Variants in SOHLH1 observed in about 807,000 individuals in gnomAD.
SOHLH1 encodes spermatogenesis- and oogenesis-specific basic helix-loop-helix-containing protein 1.
SOHLH1 carries 23 observed loss-of-function variants against 36.2 expected under a neutral mutation model. The observed-to-expected ratio is 0.64, with a 90% CI of 0.46 to 0.90. SOHLH1 has a LOEUF of 0.90. SOHLH1 is among the 40% of genes least tolerant of loss of function. The pLI is 0.00. For synonymous variants in SOHLH1, 289 were observed against 228.3 expected, an observed-to-expected ratio of 1.27 and a Z score of -2.40; for missense variants, 608 against 517.0, an observed-to-expected ratio of 1.18 and a Z score of -1.71.
At position 135,697,533 on chromosome 9, in the gene SOHLH1, G is replaced by C; in HGVS notation, c.440C>G (p.Pro147Arg). The C allele has an allele frequency of 6.2e-7, 1 of 1,612,332 alleles. No homozygotes were observed. ...SSQIQAGVPD[P>R]GTGASSGTRT... ...AGTCCCGCTGGACGCTCCCGTCCCAGGGTCTGGCACACCTGCTTGAATCTG... is the reference window on the plus strand; with the variant it reads ...AGTCCCGCTGGACGCTCCCGTCCCACGGTCTGGCACACCTGCTTGAATCTG... The change falls in exon 4 of 8, where the codon CCT becomes CGT. Residue 147 changes from proline (P) to arginine (R), a missense_variant. By Grantham distance (103) the Pro-to-Arg change is moderately radical. Transcript: ENST00000425225.
At position 135,699,059 on chromosome 9, in the gene SOHLH1, G is replaced by T; in HGVS notation, c.133C>A (p.Pro45Thr). The T allele has an allele frequency of 6.2e-7, 1 of 1,611,152 alleles. No homozygotes were observed. The highest frequency in any genetic ancestry group is 8.5e-7 in the Non-Finnish European group (1 of 1,179,660). The part of the protein sequence containing the change: ...SARGSGPPKA[P>T]TVAEGPSSCL... ...GAGCTGGGACCCTCGGCCACCGTAG[G>T]GGCCTTGGGCGGGCCCGAGCCCCGG... The change falls in exon 2 of 8, where the codon CCT becomes ACT. Residue 45 changes from proline (P) to threonine (T), a missense_variant. Coordinates refer to ENST00000425225, the MANE Select transcript of SOHLH1 (RefSeq NM_001101677.2).
chr9:135,696,846 C>A, intron 4 of SOHLH1, 41 bp from the exon 5 acceptor site: 1 of 1,606,872 alleles, frequency 6.2e-7, no homozygotes, highest in Non-Finnish European at 8.5e-7. Flanking sequence ...GTCTATTCCC[C>A]AGCCCCCTGG....
At chr9:135,698,559 A>C in intron 2 of SOHLH1, 83 bp from the exon 3 acceptor site, 1 of 1,596,752 alleles carries the variant, frequency 6.3e-7, no homozygotes, top group Non-Finnish European at 8.6e-7. Context: ...CCTGCCAGAT[A>C]GACCCTGGGC....
chr9:135,702,038 A>AC (rs1389496362), upstream of SOHLH1: 1 of 426,630 alleles, frequency 2.3e-6, no homozygotes, highest in Non-Finnish European at 4.0e-6. Context: ...CGCCCTCCCT[A>AC]CCCCGCACCC....
chr9:135,701,780 CG>C (rs1263994218), upstream of SOHLH1, among the ~76,000 whole-genome samples: 1 of 151,618 alleles, frequency 6.6e-6, no homozygotes, highest in African/African-American at 2.4e-5. Flanking sequence ...GTGTTGACCA[CG>C]GCAGAGCAGC....
chr9:135,697,593 A>G lies in SOHLH1; in HGVS notation c.380T>C (p.Leu127Ser). The G allele has an allele frequency of 6.2e-7, 1 of 1,612,454 alleles. No homozygotes were observed. The highest frequency in any genetic ancestry group is 8.5e-7 in the Non-Finnish European group (1 of 1,179,612). ...LASSKEMWHS[L>S]QEDVLQLTLS... ...CGTCAACTGTAAAACATCCTCCTGC[A>G]ACGAGTGCCACATTTCCTTGGAGGA... The change falls in exon 4 of 8, where the codon TTG becomes TCG. Residue 127 changes from leucine to serine, a missense_variant. By Grantham distance (145) the Leu-to-Ser change is moderately radical (BLOSUM62 -2). Coordinates refer to ENST00000425225, the MANE Select transcript of SOHLH1 (RefSeq NM_001101677.2).
At chr9:135,694,196 A>T (rs1180538330) in intron 7 of SOHLH1, 191 bp downstream of exon 7, 78 of 1,443,334 alleles carry the variant, frequency 5.4e-5, no homozygotes, top group Non-Finnish European at 6.9e-5. Flanking sequence ...GTTCACTCAC[A>T]CACTCACATA....
chr9:135,693,878 T>C, intron 7 of SOHLH1, 64 bp from the exon 8 acceptor site: 1 of 1,509,394 alleles, frequency 6.6e-7, no homozygotes, highest in South Asian at 1.3e-5. Flanking sequence ...GGCAGACAGG[T>C]GGGGTCGGAG....
chr9:135,698,881 G>A, intron 2 of SOHLH1, 114 bp downstream of exon 2: 3 of 1,473,358 alleles, frequency 2.0e-6, no homozygotes, highest in Non-Finnish European at 2.8e-6. Flanking sequence ...CTTCTCCTGG[G>A]CACAGGCCAC....
chr9:135,698,459 C>T lies in SOHLH1; in HGVS notation c.215G>A (p.Ser72Asn). ...ERERRKRMSL[S>N]CERLRALLPQ... ...CAGCAGGGCCCGCAGACGCTCACAG[C>T]TCAACGACATCCGCTTCCTGGTTCC... Residue 72 changes from serine (S) to asparagine (N), a missense_variant, in exon 3 of 8, where the codon AGC becomes AAC. By Grantham distance (46) the Ser-to-Asn change is conservative. Coordinates refer to ENST00000425225, the MANE Select transcript of SOHLH1 (RefSeq NM_001101677.2). 6.2e-7 allele frequency: 1 copy of T among 1,613,240 alleles called. No individual in the cohort carries two copies. Among genetic ancestry groups the T allele is most frequent in the Non-Finnish European group, 8.5e-7 (1 of 1,180,034 alleles).
chr9:135,693,722 G>C lies in SOHLH1; in HGVS notation c.1039C>G (p.Pro347Ala), dbSNP rs868529486. Reference sequence around the variant, plus strand: ...TGGAGCTCCTGGGAGCCAAGCTCAGGGTCCCCTAGGAAGCCTGGCTCTCCA... The same window carrying C: ...TGGAGCTCCTGGGAGCCAAGCTCAGCGTCCCCTAGGAAGCCTGGCTCTCCA... ...DVGEPGFLGDPELGSQELQDS... is the reference protein window; with the variant it reads ...DVGEPGFLGDAELGSQELQDS... Residue 347 changes from proline (P) to alanine (A), a missense_variant, in exon 8 of 8, where the codon CCT becomes GCT. Transcript: ENST00000425225. 2 of 1,573,456 alleles carry C rather than the reference G, an allele frequency of 1.3e-6. No homozygotes were observed. Among genetic ancestry groups the C allele is most frequent in the East Asian group, 2.4e-5 (1 of 42,294 alleles).
rs1834904064 is a variant in SOHLH1, at chr9:135,698,586, G to C, written c.198-110C>G. Reference sequence around the variant, plus strand: ...ACCCTGGGCGCTTGTCAGGCAGAGGGGGCTACAAGATGACTCAGAGCTGCC... The same window carrying C: ...ACCCTGGGCGCTTGTCAGGCAGAGGCGGCTACAAGATGACTCAGAGCTGCC... On this transcript the variant is annotated intron_variant, in intron 2 of 7. Coordinates refer to ENST00000425225, the MANE Select transcript of SOHLH1 (RefSeq NM_001101677.2). 4 of 1,493,446 alleles carry C rather than the reference G, an allele frequency of 2.7e-6. No individual in the cohort carries two copies. In the South Asian group the frequency reaches 4.6e-5, roughly 17 times the overall value. 92.5% of individuals were successfully genotyped at this position (1,493,446 alleles called of 1,614,324 possible). A position where few individuals can be genotyped will look rare whatever the true frequency, so the allele number is the denominator to read the frequency against.
Position 135,696,730 on chromosome 9 carries a change from C to T in SOHLH1, c.543G>A (p.Pro181=), listed in dbSNP as rs145918276. The T allele has an allele frequency of 6.6e-4, 1,069 of 1,613,004 alleles. 6 individuals carry two copies. The African/African-American group carries it at 0.013, about 20-fold the overall frequency. The part of the protein sequence containing the change: ...DPASASPEPV[P]HILASSRQWD... ...ACTGCCTGGAGGACGCAAGGATGTG[C>T]GGCACGGGCTCTGGGCTGGCCGACG... Residue 181 remains proline, a synonymous_variant, in exon 5 of 8, where the codon CCG becomes CCA. Transcript: ENST00000425225.
intron 5 of SOHLH1, among the ~76,000 whole-genome samples, chr9:135,695,666 C>G (rs547533726): frequency 6.6e-6 from 1 of 152,280 alleles, no homozygotes; most frequent in East Asian, 1.9e-4. Context: ...CTGACACCAG[C>G]CCTGCCAACT....
At chr9:135,697,651 A>G in intron 3 of SOHLH1, 24 bp from the exon 4 acceptor site, 3 of 1,605,544 alleles carry the variant, frequency 1.9e-6, no homozygotes, top group Non-Finnish European at 2.6e-6. Context: ...AAACATGTAA[A>G]ACAAAGACAG....
upstream of SOHLH1, among the ~76,000 whole-genome samples, chr9:135,700,714 T>C (rs1223221498): frequency 6.6e-6 from 1 of 151,964 alleles, no homozygotes; most frequent in East Asian, 1.9e-4. Flanking sequence ...TTATGTAATA[T>C]AAGGTGGTGT....
upstream of SOHLH1, chr9:135,699,495 G>A (rs369133496): frequency 3.6e-5 from 58 of 1,606,364 alleles, no homozygotes; most frequent in Admixed American, 2.4e-4. Flanking sequence ...GCGACCCCAC[G>A]CGCACGGCCC....
At position 135,693,674 on chromosome 9, in the gene SOHLH1, C is replaced by T; in HGVS notation, c.1087G>A (p.Gly363Ser). Reference sequence around the variant, plus strand: ...AGGCCTGCACAGTCCACATCCAGGCCCCACGGCTCCAGAGGGCTGTCCTGG... The same window carrying T: ...AGGCCTGCACAGTCCACATCCAGGCTCCACGGCTCCAGAGGGCTGTCCTGG... ...ELQDSPLEPWGLDVDCAGLAL... is the reference protein window; with the variant it reads ...ELQDSPLEPWSLDVDCAGLAL... The change falls in exon 8 of 8, where the codon GGC (glycine) becomes AGC (serine). Residue 363 changes from glycine to serine, a missense_variant. Gly to Ser is a moderately conservative substitution (Grantham distance 56). Transcript: ENST00000425225. 1 of 1,584,366 alleles carries T rather than the reference C, an allele frequency of 6.3e-7. No homozygotes were observed. The highest frequency in any genetic ancestry group is 8.6e-7 in the Non-Finnish European group (1 of 1,166,030).
intron 4 of SOHLH1, among the ~76,000 whole-genome samples, chr9:135,697,114 C>T (rs569198609): frequency 8.3e-4 from 127 of 152,348 alleles, no homozygotes; most frequent in Non-Finnish European, 1.2e-3. Flanking sequence ...GTCCTTCAAC[C>T]TGGGGAGCTG....
Sources: allele counts gnomAD v4.1 joint callset (sites outside exome capture counted in the v4.1 genomes callset), GRCh38; gene constraint gnomAD v4.1.1; transcripts MANE v1.5; gene names NCBI Gene and HGNC (gene_info 2026-07-23, HGNC 2026-07-21).